Variants in SLC39A11 observed in about 807,000 individuals in gnomAD.
SLC39A11 encodes the protein zinc transporter ZIP11.
In SLC39A11, 33 loss-of-function variants were observed where a neutral mutation model predicts 36.1. The observed-to-expected ratio is 0.91, with a 90% CI of 0.69 to 1.22. The LOEUF is 1.22. SLC39A11 is among the 50% of genes most tolerant of loss of function. The pLI is 0.00. For missense variants in SLC39A11, 432 were observed against 430.3 expected (o/e 1.00, Z -0.03); for synonymous variants, 166 against 170.3 (o/e 0.97, Z 0.20).
At chr17:72,844,760 C>T (rs62071210) in intron 6 of SLC39A11, among the ~76,000 whole-genome samples, 59,471 of 152,122 alleles carry the variant, frequency 0.39, 11,895 homozygotes, top group East Asian at 0.66. Context: ...ACTCCAAACT[C>T]ATGTATCCAG....
At chr17:72,693,891 T>C (rs1054346157) in intron 7 of SLC39A11, among the ~76,000 whole-genome samples, 1 of 152,154 alleles carries the variant, frequency 6.6e-6, no homozygotes, top group Non-Finnish European at 1.5e-5. Flanking sequence ...CTCGAATTTC[T>C]GACCTCGTGA....
At chr17:72,919,669 CAAAAAAA>C (rs35888661) in intron 5 of SLC39A11, among the ~76,000 whole-genome samples, 10 of 69,020 alleles carry the variant, frequency 1.4e-4, no homozygotes, top group African/African-American at 2.8e-4. Context: ...GAGAGTCCGT[CAAAAAAA>C]AAAAAAAAAG....
chr17:72,995,440 G>C (rs11657080), intron 4 of SLC39A11, among the ~76,000 whole-genome samples: 1 of 151,938 alleles, frequency 6.6e-6, no homozygotes, highest in Non-Finnish European at 1.5e-5. Context: ...AACTTGACTG[G>C]ACTAAGGGAT....
At chr17:73,072,790 C>A (rs1020086829) in intron 3 of SLC39A11, among the ~76,000 whole-genome samples, 1 of 152,208 alleles carries the variant, frequency 6.6e-6, no homozygotes, top group Non-Finnish European at 1.5e-5. Context: ...AATATGTTCA[C>A]GGTCTCCTGT....
chr17:72,957,827 A>G (rs2086343492), intron 4 of SLC39A11, among the ~76,000 whole-genome samples: 1 of 151,450 alleles, frequency 6.6e-6, no homozygotes, highest in Admixed American at 6.6e-5. Flanking sequence ...TCAAAAAAAA[A>G]AAACAAACAA....
At chr17:72,996,682 C>G (rs1376334106) in intron 4 of SLC39A11, among the ~76,000 whole-genome samples, 1 of 152,196 alleles carries the variant, frequency 6.6e-6, no homozygotes, top group African/African-American at 2.4e-5. Context: ...CCACCCTACT[C>G]TAGTACGACC....
intron 5 of SLC39A11, among the ~76,000 whole-genome samples, chr17:72,898,268 A>G (rs1000188890): frequency 3.3e-5 from 5 of 152,196 alleles, no homozygotes; most frequent in African/African-American, 1.2e-4. Context: ...ATAAGGATAC[A>G]CTGGGAGCTC....
intron 6 of SLC39A11, among the ~76,000 whole-genome samples, chr17:72,822,317 TATATATATAGAGAGAGAGAGAGAAAGA>T (rs978675010): frequency 1.6e-4 from 24 of 146,042 alleles, no homozygotes; most frequent in Non-Finnish European, 3.3e-4. Context: ...AGAGATATAA[TATATATATAGAGAGAGAGAGAGAAAGA>T]ATATATATAT....
At chr17:72,931,346 CAGAAAGCGT>C (rs2084383097) in intron 5 of SLC39A11, among the ~76,000 whole-genome samples, 1 of 152,202 alleles carries the variant, frequency 6.6e-6, no homozygotes, top group South Asian at 2.1e-4. Flanking sequence ...CAACACCTTG[CAGAAAGCGT>C]AGGCTGTGTA....
chr17:73,070,113 C>G (rs527616011), intron 3 of SLC39A11, among the ~76,000 whole-genome samples: 2 of 152,160 alleles, frequency 1.3e-5, no homozygotes, highest in Non-Finnish European at 2.9e-5. Flanking sequence ...AATTCAAACT[C>G]AAGCTCAAAC....
chr17:72,686,927 G>T (rs146647805), intron 7 of SLC39A11, among the ~76,000 whole-genome samples: 40 of 152,312 alleles, frequency 2.6e-4, no homozygotes, highest in African/African-American at 9.1e-4. Context: ...ACATGCTAAA[G>T]AAATATACAG....
intron 5 of SLC39A11, among the ~76,000 whole-genome samples, chr17:72,889,306 G>A (rs964392936): frequency 3.9e-5 from 6 of 152,148 alleles, no homozygotes; most frequent in African/African-American, 1.4e-4. Flanking sequence ...CCTGAGGTCA[G>A]GAGTTTGAGA....
intron 3 of SLC39A11, among the ~76,000 whole-genome samples, chr17:73,059,023 G>A (rs2059757843): frequency 6.6e-6 from 1 of 152,060 alleles, no homozygotes. Flanking sequence ...ATTTGTCATT[G>A]TTTCAAAAAT....
At chr17:73,049,901 T>A (rs2059436815) in intron 3 of SLC39A11, among the ~76,000 whole-genome samples, 1 of 152,140 alleles carries the variant, frequency 6.6e-6, no homozygotes. Context: ...GGCAGGCAGA[T>A]CACTTGAGTC....
intron 6 of SLC39A11, among the ~76,000 whole-genome samples, chr17:72,802,291 T>C (rs1300362588): frequency 1.3e-5 from 2 of 152,098 alleles, no homozygotes; most frequent in Non-Finnish European, 2.9e-5. Context: ...GAACTTTGTC[T>C]TGAAAATCAT....
At chr17:72,996,324 T>C (rs1345577029) in intron 4 of SLC39A11, among the ~76,000 whole-genome samples, 1 of 152,210 alleles carries the variant, frequency 6.6e-6, no homozygotes, top group Non-Finnish European at 1.5e-5. Context: ...CATGGCCTTG[T>C]CATGGGAATA....
intron 4 of SLC39A11, among the ~76,000 whole-genome samples, chr17:72,959,329 A>G (rs949133521): frequency 0.056 from 2,560 of 45,404 alleles, 23 homozygotes; most frequent in African/African-American, 0.07. Context: ...GTGTGTGTAT[A>G]TATATATATA....
intron 6 of SLC39A11, among the ~76,000 whole-genome samples, chr17:72,765,747 A>G (rs1478736667): frequency 6.6e-6 from 1 of 152,226 alleles, no homozygotes; most frequent in Non-Finnish European, 1.5e-5. Flanking sequence ...TCAAGCTGGT[A>G]ACAACATGTT....
chr17:72,773,311 T>G (rs1324429774), intron 6 of SLC39A11, among the ~76,000 whole-genome samples: 1 of 152,142 alleles, frequency 6.6e-6, no homozygotes, highest in African/African-American at 2.4e-5. Context: ...CATCTTGAAT[T>G]GTAGTTCCCA....
Sources: gnomAD v4.1 joint callset for allele counts (sites outside exome capture counted in the v4.1 genomes callset) on GRCh38, gnomAD v4.1.1 for gene constraint, MANE v1.5 for transcripts, NCBI Gene and HGNC (gene_info 2026-07-23, HGNC 2026-07-21) for gene names.